The following SDC2 variants were observed in gnomAD, a reference collection of about 807,000 sequenced individuals.
SDC2 encodes syndecan-2.
In SDC2, 13 loss-of-function variants were observed where a neutral mutation model predicts 22.2. The ratio of observed to expected loss-of-function variants is 0.59; its 90% confidence interval spans 0.38 to 0.93. SDC2 has a LOEUF of 0.93. Among genes scored for constraint, SDC2 ranks in the 40% least tolerant of loss-of-function variants. The pLI is 0.00. For missense variants in SDC2, 235 were observed against 246.8 expected (o/e 0.95, Z 0.32); for synonymous variants, 94 against 92.8 (o/e 1.01, Z -0.07).
chr8:96,530,387 A>T (rs1413108929), intron 1 of SDC2, among the ~76,000 whole-genome samples: 1 of 152,244 alleles, frequency 6.6e-6, no homozygotes, highest in African/African-American at 2.4e-5. Flanking sequence ...TAATCCCAGC[A>T]CTTTGGGAGG....
intron 1 of SDC2, among the ~76,000 whole-genome samples, chr8:96,580,758 A>C (rs1411702795): frequency 1.3e-5 from 2 of 152,232 alleles, no homozygotes; most frequent in Non-Finnish European, 2.9e-5. Flanking sequence ...TCATTCTAAA[A>C]GAGGGAGCGG....
chr8:96,494,339 G>T lies in SDC2; in HGVS notation c.60+8G>T. ...TGCGTGTCGGCGGAGTCGGTGAGTG[G>T]GCCAGGCGGAGGATGCGCGCGCCGT... On this transcript the variant is annotated splice_region_variant and intron_variant, in intron 1 of 4. Coordinates refer to ENST00000302190, the MANE Select transcript of SDC2 (RefSeq NM_002998.4). 1 of 1,540,578 alleles carries T rather than the reference G, an allele frequency of 6.5e-7. No homozygotes were observed. Among genetic ancestry groups the T allele is most frequent in the South Asian group, 1.2e-5 (1 of 83,890 alleles).
At chr8:96,583,547 A>T (rs1814629453) in intron 1 of SDC2, among the ~76,000 whole-genome samples, 1 of 151,602 alleles carries the variant, frequency 6.6e-6, no homozygotes, top group South Asian at 2.1e-4. Flanking sequence ...CAGCAACATT[A>T]TAGTGCCAAA....
At chr8:96,553,596 C>G (rs545718343) in intron 1 of SDC2, among the ~76,000 whole-genome samples, 2 of 150,318 alleles carry the variant, frequency 1.3e-5, no homozygotes, top group Non-Finnish European at 3.0e-5. Context: ...TTTTTTTTTT[C>G]TTGCTATTTT....
chr8:96,595,705 T>C (rs1018657452), intron 2 of SDC2, among the ~76,000 whole-genome samples: 4 of 152,234 alleles, frequency 2.6e-5, no homozygotes, highest in South Asian at 4.1e-4. Context: ...GAAACCAGTA[T>C]GCTTAAAGTA....
chr8:96,523,542 A>G (rs191498249), intron 1 of SDC2, among the ~76,000 whole-genome samples: 364 of 152,262 alleles, frequency 2.4e-3, no homozygotes, highest in Non-Finnish European at 3.8e-3. Flanking sequence ...CCGGATAAAA[A>G]TATGTGGAAA....
chr8:96,573,282 C>G (rs1032802371), intron 1 of SDC2, among the ~76,000 whole-genome samples: 1 of 152,238 alleles, frequency 6.6e-6, no homozygotes, highest in African/African-American at 2.4e-5. Flanking sequence ...GGATGCTCTT[C>G]GCAGACCTCC....
intron 1 of SDC2, among the ~76,000 whole-genome samples, chr8:96,589,171 C>A (rs1462741801): frequency 6.6e-6 from 1 of 152,100 alleles, no homozygotes; most frequent in Non-Finnish European, 1.5e-5. Context: ...TGTGGAAGGC[C>A]TAAATCACCA....
In SDC2 at chr8:96,610,346, A is replaced by G. The variant is rs1221513343; in HGVS notation, c.*798A>G. 2 of 152,584 alleles carry G rather than the reference A, an allele frequency of 1.3e-5. No individual in the cohort carries two copies. Among genetic ancestry groups the G allele is most frequent in the African/African-American group, 4.8e-5 (2 of 41,436 alleles). The allele number at this position is 152,584 out of a possible 1,614,324, so 9.5% of individuals were successfully genotyped here. A position where few individuals can be genotyped will look rare whatever the true frequency, so the allele number is the denominator to read the frequency against. On this transcript the variant is annotated 3_prime_UTR_variant, in exon 5 of 5. Coordinates refer to ENST00000302190, the MANE Select transcript of SDC2 (RefSeq NM_002998.4). ...TGCTGCAGATTCCTTTGGCCACTGT[A>G]TTTGTTAATTTCTTGCAATTTGAAG...
intron 1 of SDC2, among the ~76,000 whole-genome samples, chr8:96,562,768 T>C (rs1021473721): frequency 2.0e-5 from 3 of 152,222 alleles, no homozygotes; most frequent in Non-Finnish European, 2.9e-5. Context: ...AGAGCTTTTG[T>C]GCTTAAATTG....
intron 1 of SDC2, among the ~76,000 whole-genome samples, chr8:96,528,736 A>G (rs1372543745): frequency 1.3e-5 from 2 of 152,180 alleles, no homozygotes; most frequent in African/African-American, 4.8e-5. Flanking sequence ...ACTATTGTTA[A>G]TCATACAGTT....
intron 1 of SDC2, among the ~76,000 whole-genome samples, chr8:96,535,746 G>A (rs1036933315): frequency 1.3e-5 from 2 of 152,160 alleles, no homozygotes; most frequent in Admixed American, 6.5e-5. Flanking sequence ...TTCCACCTCC[G>A]TTCAAAACTT....
At position 96,610,869 on chromosome 8, in the gene SDC2, T is replaced by C. The variant is rs981394017; in HGVS notation, c.*1321T>C. The C allele has an allele frequency of 6.6e-6, 1 of 152,624 alleles. No individual in the cohort carries two copies. Among genetic ancestry groups the C allele is most frequent in the African/African-American group, 2.4e-5 (1 of 41,438 alleles). 9.5% of individuals were successfully genotyped at this position (152,624 alleles called of 1,614,324 possible). On this transcript the variant is annotated 3_prime_UTR_variant, in exon 5 of 5. Transcript: ENST00000302190. The stretch of plus-strand genomic sequence containing the variant: ...TCCTGTGTGTGTCTAGGTAGAGATA[T>C]TGGAAGGCTGCCAGGGGATTTCGAA...
intron 3 of SDC2, among the ~76,000 whole-genome samples, chr8:96,605,462 G>C (rs1815061589): frequency 6.6e-6 from 1 of 152,174 alleles, no homozygotes; most frequent in Admixed American, 6.5e-5. Context: ...CTTTTCATGA[G>C]AAGAATAGAA....
chr8:96,599,634 A>G (rs1814943227), intron 2 of SDC2, among the ~76,000 whole-genome samples: 1 of 152,176 alleles, frequency 6.6e-6, no homozygotes, highest in Non-Finnish European at 1.5e-5. Flanking sequence ...TGGGTTAGTT[A>G]TTATTAGCCC....
intron 1 of SDC2, among the ~76,000 whole-genome samples, chr8:96,559,514 T>G (rs1814173156): frequency 1.3e-5 from 2 of 152,216 alleles, no homozygotes; most frequent in Non-Finnish European, 2.9e-5. Context: ...ACTTGCTATG[T>G]TCATGAGTAC....
intron 1 of SDC2, among the ~76,000 whole-genome samples, chr8:96,516,457 C>A (rs1311519273): frequency 6.6e-6 from 1 of 152,036 alleles, no homozygotes; most frequent in Non-Finnish European, 1.5e-5. Context: ...CAAAAATTCA[C>A]CCATTTAAAG....
At chr8:96,511,789 ATTTTT>A (rs548532271) in intron 1 of SDC2, among the ~76,000 whole-genome samples, 2 of 138,912 alleles carry the variant, frequency 1.4e-5, no homozygotes, top group Non-Finnish European at 3.2e-5. Context: ...GGCTTATGTG[ATTTTT>A]TTTTTTTTTT....
chr8:96,562,919 C>A (rs1230619975), intron 1 of SDC2, among the ~76,000 whole-genome samples: 2 of 152,070 alleles, frequency 1.3e-5, no homozygotes, highest in Non-Finnish European at 2.9e-5. Context: ...CAGTAGAGCT[C>A]CACTCTTTTT....
Sources: gnomAD v4.1 joint callset for allele counts (sites outside exome capture counted in the v4.1 genomes callset) on GRCh38, gnomAD v4.1.1 for gene constraint, MANE v1.5 for transcripts, NCBI Gene and HGNC (gene_info 2026-07-23, HGNC 2026-07-21) for gene names.